Variants in NUP93 observed in about 807,000 individuals in gnomAD.
The protein encoded by NUP93 is nucleoporin 93.
A neutral mutation model predicts 107.8 loss-of-function variants in NUP93; 55 were observed. The ratio of observed to expected loss-of-function variants is 0.51; its 90% CI spans 0.41 to 0.64. NUP93 has a LOEUF of 0.64. NUP93 is among the 30% of genes least tolerant of loss of function. The probability of loss-of-function intolerance (pLI) is 0.00; values close to 1 mark genes in which losing one functional copy is unlikely to be tolerated. For synonymous variants in NUP93, 390 were observed against 397.5 expected (o/e 0.98, Z 0.22); for missense variants, 937 against 1,044.7 (o/e 0.90, Z 1.42).
intron 4 of NUP93, among the ~76,000 whole-genome samples, chr16:56,800,482 C>T (rs1299699135): frequency 1.3e-5 from 2 of 152,162 alleles, no homozygotes; most frequent in African/African-American, 4.8e-5. Context: ...AATGTGCAGC[C>T]AGCCAAAACA....
intron 2 of NUP93, among the ~76,000 whole-genome samples, chr16:56,758,079 A>T (rs1962058565): frequency 6.6e-6 from 1 of 151,924 alleles, no homozygotes; most frequent in Admixed American, 6.6e-5. Flanking sequence ...TCAGAAAAAA[A>T]AAAAAGTTGG....
At chr16:56,761,929 G>A (rs757895212) in intron 3 of NUP93, among the ~76,000 whole-genome samples, 13 of 152,196 alleles carry the variant, frequency 8.5e-5, no homozygotes, top group Non-Finnish European at 1.3e-4. Flanking sequence ...ACCAAAGGTA[G>A]TATATTAAAG....
At chr16:56,764,817 A>T (rs1162732340) in intron 3 of NUP93, among the ~76,000 whole-genome samples, 2 of 152,232 alleles carry the variant, frequency 1.3e-5, no homozygotes, top group Non-Finnish European at 2.9e-5. Flanking sequence ...TCTTAGCTTG[A>T]ATCAGTCAAG....
chr16:56,809,148 T>A (rs1406444080), intron 5 of NUP93, among the ~76,000 whole-genome samples: 3 of 152,182 alleles, frequency 2.0e-5, no homozygotes, highest in Non-Finnish European at 4.4e-5. Flanking sequence ...CAAAAAAGAT[T>A]GTCTCCCTTT....
chr16:56,785,521 T>C (rs1962607248), intron 3 of NUP93, among the ~76,000 whole-genome samples: 1 of 152,146 alleles, frequency 6.6e-6, no homozygotes, highest in African/African-American at 2.4e-5. Flanking sequence ...TGGTTCTTTT[T>C]GCAACAAAAA....
intron 3 of NUP93, among the ~76,000 whole-genome samples, chr16:56,761,079 T>C (rs1962118196): frequency 6.6e-6 from 1 of 152,214 alleles, no homozygotes; most frequent in African/African-American, 2.4e-5. Flanking sequence ...GAATTGATCA[T>C]CTAGACCTGA....
intron 8 of NUP93, among the ~76,000 whole-genome samples, chr16:56,826,704 C>CT (rs1216370913): frequency 1.3e-5 from 2 of 151,842 alleles, no homozygotes; most frequent in Non-Finnish European, 2.9e-5. Flanking sequence ...TGTTGTATTT[C>CT]TTTTTTCCCC....
intron 3 of NUP93, among the ~76,000 whole-genome samples, chr16:56,784,672 C>T (rs1359503389): frequency 1.3e-5 from 2 of 152,158 alleles, no homozygotes; most frequent in African/African-American, 4.8e-5. Context: ...ATTTATAGTG[C>T]ATGTATTTTA....
intron 12 of NUP93, 29 bp downstream of exon 12, chr16:56,832,417 C>T (rs1338471831): frequency 1.9e-6 from 3 of 1,556,114 alleles, no homozygotes; most frequent in Non-Finnish European, 2.7e-6. Flanking sequence ...CCACCTTTCC[C>T]TTCTCTTGTC....
intron 3 of NUP93, among the ~76,000 whole-genome samples, chr16:56,766,721 T>G (rs1475344692): frequency 6.6e-6 from 1 of 152,204 alleles, no homozygotes; most frequent in Non-Finnish European, 1.5e-5. Flanking sequence ...CAGCCTGATG[T>G]GGCAGTTGGC....
chr16:56,823,977 A>C (rs1461581154), intron 8 of NUP93, 131 bp downstream of exon 8: 8 of 1,182,564 alleles, frequency 6.8e-6, no homozygotes, highest in Non-Finnish European at 9.3e-6. Flanking sequence ...AAATTGAACA[A>C]GGTTCAGAGT....
At chr16:56,814,266 C>T (rs745624299) in intron 5 of NUP93, among the ~76,000 whole-genome samples, 2 of 152,090 alleles carry the variant, frequency 1.3e-5, no homozygotes, top group East Asian at 1.9e-4. Flanking sequence ...CTGCAACTTC[C>T]GCTTCCCGGG....
At chr16:56,781,805 A>T (rs1962520113) in intron 3 of NUP93, 7 of 984,230 alleles carry the variant, frequency 7.1e-6, no homozygotes, top group Middle Eastern at 5.2e-4. Flanking sequence ...TAACAATAAA[A>T]TACCCTTCTG....
At chr16:56,803,091 A>C (rs1397578377) in intron 4 of NUP93, among the ~76,000 whole-genome samples, 1 of 152,070 alleles carries the variant, frequency 6.6e-6, no homozygotes, top group East Asian at 1.9e-4. Flanking sequence ...AGGCAGTTTA[A>C]TCCCAGAGGG....
chr16:56,771,604 T>C (rs555528600), intron 3 of NUP93, among the ~76,000 whole-genome samples: 11 of 152,352 alleles, frequency 7.2e-5, no homozygotes, highest in African/African-American at 2.6e-4. Context: ...AAAGACTTGC[T>C]GGTTAACTAA....
At chr16:56,753,755 T>C (rs1567376517) in intron 2 of NUP93, among the ~76,000 whole-genome samples, 1 of 152,186 alleles carries the variant, frequency 6.6e-6, no homozygotes, top group Non-Finnish European at 1.5e-5. Flanking sequence ...AAAAGAGATT[T>C]AGGAGGCATA....
chr16:56,774,217 G>A (rs1355324265), intron 3 of NUP93, among the ~76,000 whole-genome samples: 1 of 152,196 alleles, frequency 6.6e-6, no homozygotes, highest in Non-Finnish European at 1.5e-5. Context: ...TTCTGCAAAT[G>A]TTAATAATTC....
chr16:56,798,502 T>C lies in NUP93; in HGVS notation c.324T>C (p.Asn108=), dbSNP rs748848265. The C allele has an allele frequency of 2.5e-6, 4 of 1,614,142 alleles. No individual in the cohort carries two copies. The highest frequency in any genetic ancestry group is 3.4e-6 in the Non-Finnish European group (4 of 1,179,980). Residue 108 remains asparagine, a synonymous_variant, in exon 4 of 22, where the codon AAT becomes AAC. Coordinates refer to ENST00000308159, the MANE Select transcript of NUP93 (RefSeq NM_014669.5). ...IQGFLKNEKD[N]ALLSAIEESR... ...GCTTCCTGAAGAATGAGAAGGACAA[T>C]GCCCTGCTGTCTGCCATCGAAGAGT...
intron 8 of NUP93, among the ~76,000 whole-genome samples, chr16:56,825,436 C>T (rs1963639353): frequency 6.6e-6 from 1 of 152,092 alleles, no homozygotes; most frequent in Admixed American, 6.5e-5. Context: ...AACTCCTGAC[C>T]TCAGGTGATC....
Sources: gnomAD v4.1 joint callset for allele counts (sites outside exome capture counted in the v4.1 genomes callset) on GRCh38, gnomAD v4.1.1 for gene constraint, MANE v1.5 for transcripts, NCBI Gene and HGNC (gene_info 2026-07-23, HGNC 2026-07-21) for gene names.